Variants in GRB7 observed in about 807,000 individuals in gnomAD.
The protein encoded by GRB7 is growth factor receptor-bound protein 7.
In GRB7, 47 loss-of-function variants were observed where a neutral mutation model predicts 64.1. The observed-to-expected ratio is 0.73, with a 90% CI of 0.58 to 0.94. The LOEUF is 0.94. GRB7 is among the 40% of genes least tolerant of loss of function. The pLI is 0.00. For synonymous variants in GRB7, 277 were observed against 279.9 expected, an observed-to-expected ratio of 0.99 and a Z score of 0.10; for missense variants, 634 against 718.4, an observed-to-expected ratio of 0.88 and a Z score of 1.34.
Position 39,742,915 on chromosome 17 carries a change from T to A in GRB7, c.324T>A (p.Ser108Arg), listed in dbSNP as rs2060009163. The change falls in exon 4 of 15, where the codon AGT becomes AGA. Residue 108 changes from serine (S) to arginine (R), a missense_variant. Physicochemically the swap from Ser to Arg is moderately radical, Grantham distance 110. Coordinates refer to ENST00000309156, the MANE Select transcript of GRB7 (RefSeq NM_005310.5). ...GGGCGCAGGTAGTAAAGGTGTACAG[T>A]GAGGATGGGGCCTGCAGGTCTGTGG... ...ASRPHVVKVY[S>R]EDGACRSVEV... 1.2e-6 allele frequency: 2 copies of A among 1,603,154 alleles called. No homozygotes were observed. The highest frequency in any genetic ancestry group is 1.7e-6 in the Non-Finnish European group (2 of 1,174,026).
intron 1 of GRB7, 37 bp from the exon 2 acceptor site, chr17:39,742,215 G>A (rs987964306): frequency 3.3e-6 from 5 of 1,493,224 alleles, no homozygotes; most frequent in Non-Finnish European, 3.7e-6. Context: ...GCCGTGTGAG[G>A]TCAGGAGGTC....
At chr17:39,740,888 T>G (rs1263360400) in intron 1 of GRB7, among the ~76,000 whole-genome samples, 2 of 149,696 alleles carry the variant, frequency 1.3e-5, no homozygotes, top group African/African-American at 4.9e-5. Flanking sequence ...GCCTGCTCCC[T>G]CCTGAGGGGT....
Position 39,745,994 on chromosome 17 carries a change from T to C in GRB7, c.1352T>C (p.Val451Ala), listed in dbSNP as rs755811417. ...CGGCTTATTGGACAGCAGGGCTTGG[T>C]AGACGGGTAAGGGGCAGGGCCGGGC... The part of the protein sequence containing the change: ...SQRLIGQQGL[V>A]DGLFLVRESQ... Residue 451 changes from valine (V) to alanine (A), a missense_variant, in exon 13 of 15, where the codon GTA becomes GCA. Val to Ala is a moderately conservative substitution (Grantham distance 64). Coordinates refer to ENST00000309156, the MANE Select transcript of GRB7 (RefSeq NM_005310.5). The C allele has an allele frequency of 4.3e-6, 7 of 1,613,860 alleles. No homozygotes were observed. Among genetic ancestry groups the C allele is most frequent in the African/African-American group, 1.3e-5 (1 of 74,910 alleles).
At position 39,744,681 on chromosome 17, in the gene GRB7, C is replaced by A; in HGVS notation, c.912+18C>A. 6.4e-7 allele frequency: 1 copy of A among 1,570,054 alleles called. No individual in the cohort carries two copies. The highest frequency in any genetic ancestry group is 1.1e-5 in the South Asian group (1 of 87,010). On this transcript the variant is annotated intron_variant, in intron 8 of 14. Coordinates refer to ENST00000309156, the MANE Select transcript of GRB7 (RefSeq NM_005310.5). Reference sequence around the variant, plus strand: ...GTGTCAAGGTGAAGACCTGGCCAGGCCTGGCCCCTGGCCTGGGGAAGCAGG... The same window carrying A: ...GTGTCAAGGTGAAGACCTGGCCAGGACTGGCCCCTGGCCTGGGGAAGCAGG...
At position 39,744,886 on chromosome 17, in the gene GRB7, C is replaced by G. The variant is rs769995506; in HGVS notation, c.913C>G (p.Pro305Ala). 4 of 1,613,086 alleles carry G rather than the reference C, an allele frequency of 2.5e-6. No homozygotes were observed. Among genetic ancestry groups the G allele is most frequent in the Non-Finnish European group, 2.5e-6 (3 of 1,179,176 alleles). The change falls in exon 9 of 15, where the codon CCC becomes GCC. Residue 305 changes from proline to alanine, a missense_variant and splice_region_variant. Physicochemically the swap from Pro to Ala is conservative, Grantham distance 27. This residue lies in a region of GRB7 where 467 missense variants were observed against 576.6 expected (regional missense o/e 0.81). Transcript: ENST00000309156. ...ACCAGTCAATTTCCTCTCTCTGCAGCCCAACAAGCTTCGAAATGGCCACAA... is the reference window on the plus strand; with the variant it reads ...ACCAGTCAATTTCCTCTCTCTGCAGGCCAACAAGCTTCGAAATGGCCACAA... ...MPTDFGFCVKPNKLRNGHKGL... is the reference protein window; with the variant it reads ...MPTDFGFCVKANKLRNGHKGL...
intron 14 of GRB7, 129 bp downstream of exon 14, chr17:39,746,331 G>A (rs931346563): frequency 2.0e-5 from 15 of 757,482 alleles, no homozygotes; most frequent in African/African-American, 1.9e-4. Flanking sequence ...CACAAGAAGT[G>A]GGAGGCTGAG....
Position 39,742,616 on chromosome 17 carries a change from A to G in GRB7, c.206A>G (p.Asn69Ser). ...GCCACCTCCCTCCCCTCTATCCCCA[A>G]CCCCTTCCCTGAGCTCTGCAGTCCT... ...RRATSLPSIP[N>S]PFPELCSPPS... The change falls in exon 3 of 15, where the codon AAC (asparagine) becomes AGC (serine). Residue 69 changes from asparagine (N) to serine (S), a missense_variant. This residue lies in a region of GRB7 where 167 missense variants were observed against 141.9 expected (regional missense o/e 1.18). Coordinates refer to ENST00000309156, the MANE Select transcript of GRB7 (RefSeq NM_005310.5). 1 of 1,608,316 alleles carries G rather than the reference A, an allele frequency of 6.2e-7. No homozygotes were observed. The highest frequency in any genetic ancestry group is 8.5e-7 in the Non-Finnish European group (1 of 1,178,650).
In GRB7 at chr17:39,742,894, G is replaced by T. The variant is rs79559255; in HGVS notation, c.307-4G>T. ...TCAAGTCGTGTGCAATTCCTGGGGC[G>T]CAGGTAGTAAAGGTGTACAGTGAGG... is the stretch of plus-strand genomic sequence containing the variant. On this transcript the variant is annotated splice_region_variant and splice_polypyrimidine_tract_variant and intron_variant, in intron 3 of 14. Coordinates refer to ENST00000309156, the MANE Select transcript of GRB7 (RefSeq NM_005310.5). 20 of 1,573,394 alleles carry T rather than the reference G, an allele frequency of 1.3e-5. No homozygotes were observed. Among genetic ancestry groups the T allele is most frequent in the Non-Finnish European group, 1.5e-5 (17 of 1,156,934 alleles).
chr17:39,745,404 C>T lies in GRB7; in HGVS notation c.1093-18C>T. 6.8e-6 allele frequency: 11 copies of T among 1,612,840 alleles called. No homozygotes were observed. The highest frequency in any genetic ancestry group is 7.6e-6 in the Non-Finnish European group (9 of 1,178,900). On this transcript the variant is annotated intron_variant, in intron 10 of 14. Transcript: ENST00000309156. The stretch of plus-strand genomic sequence containing the variant: ...CCTGGGCCCTGTTCTGACCTCTCTC[C>T]TCTCCTTCCATCTCCAGAGAAGTGC...
rs573979966 is a variant in GRB7, at chr17:39,743,254, G to A, written c.538G>A (p.Val180Ile). ...AWPVGGDSRF[V>I]FRKNFAKYEL... ...GCCCGTGGGCGGAGATAGCCGCTTC[G>A]TCTTCCGGAAAAACTTCGCCAAGTA... Residue 180 changes from valine (V) to isoleucine (I), a missense_variant, in exon 5 of 15, where the codon GTC becomes ATC. Transcript: ENST00000309156. 34 of 1,614,174 alleles carry A rather than the reference G, an allele frequency of 2.1e-5. No homozygotes were observed. In the South Asian group the frequency reaches 2.2e-4, roughly 10 times the overall value.
chr17:39,738,780 C>A, intron 1 of GRB7: 1 of 817,726 alleles, frequency 1.2e-6, no homozygotes, highest in Non-Finnish European at 1.8e-6. Context: ...CTGCGGGCTG[C>A]GGGGAGATGT....
Position 39,743,735 on chromosome 17 carries a change from G to C in GRB7, c.663+265G>C. 7.3e-6 allele frequency: 4 copies of C among 546,500 alleles called. No individual in the cohort carries two copies. The Admixed American group carries it at 1.3e-4, about 18-fold the overall frequency. 33.9% of individuals were successfully genotyped at this position (546,500 alleles called of 1,614,324 possible). A position where few individuals can be genotyped will look rare whatever the true frequency, so the allele number is the denominator to read the frequency against. ...CATGCCTATAATCCCAGCACTTTGG[G>C]AGGCTGAGGCGGGAGGATTACTTAA... is the stretch of plus-strand genomic sequence containing the variant. On this transcript the variant is annotated intron_variant, in intron 6 of 14. Transcript: ENST00000309156.
At chr17:39,745,634 C>T in intron 11 of GRB7, 94 bp from the exon 12 acceptor site, 1 of 1,561,060 alleles carries the variant, frequency 6.4e-7, no homozygotes, top group Non-Finnish European at 8.8e-7. Context: ...CGGGGGGAGG[C>T]CCCTGGCTGG....
chr17:39,740,129 TG>T (rs1490640084), intron 1 of GRB7: 2 of 985,498 alleles, frequency 2.0e-6, no homozygotes, highest in African/African-American at 3.5e-5. Context: ...CGTGGCCCCC[TG>T]CAGCCTGGAA....
chr17:39,745,630 G>A, intron 11 of GRB7, 92 bp downstream of exon 11: 4 of 1,558,594 alleles, frequency 2.6e-6, no homozygotes, highest in Non-Finnish European at 8.8e-7. Flanking sequence ...AGGGCGGGGG[G>A]AGGCCCCTGG....
In GRB7 at chr17:39,744,147, A is replaced by G. The variant is rs746723270; in HGVS notation, c.741A>G (p.Lys247=). Residue 247 remains lysine (K), a synonymous_variant, in exon 7 of 15, where the codon AAA becomes AAG. Coordinates refer to ENST00000309156, the MANE Select transcript of GRB7 (RefSeq NM_005310.5). ...GGGGTTCAGGACGGAAGCTTTGGAA[A>G]CGCTTTTTCTGCTTCTTGCGCCGAT... ...QLRGSGRKLW[K]RFFCFLRRSG... is the part of the protein sequence containing the mutation. 6.2e-7 allele frequency: 1 copy of G among 1,613,850 alleles called. No individual in the cohort carries two copies. Among genetic ancestry groups the G allele is most frequent in the Non-Finnish European group, 8.5e-7 (1 of 1,179,996 alleles).
intron 11 of GRB7, 54 bp from the exon 12 acceptor site, chr17:39,745,674 G>A: frequency 6.3e-7 from 1 of 1,580,794 alleles, no homozygotes. Flanking sequence ...CTGAGGTGCT[G>A]GGTAATGCCC....
intron 1 of GRB7, among the ~76,000 whole-genome samples, chr17:39,741,791 GGGCGGATCAGGAGTTCAA>G (rs1555620536): frequency 6.6e-6 from 1 of 151,806 alleles, no homozygotes; most frequent in Non-Finnish European, 1.5e-5. Flanking sequence ...AGGCCAAGGC[GGGCGGATCAGGAGTTCAA>G]GACCAGCCTG....
intron 1 of GRB7, chr17:39,739,953 C>CT: frequency 1.0e-6 from 1 of 982,600 alleles, no homozygotes; most frequent in Non-Finnish European, 1.2e-6. Context: ...AAGGGCACGG[C>CT]TGGGGGGCTC....
Sources: allele counts gnomAD v4.1 joint callset (sites outside exome capture counted in the v4.1 genomes callset), GRCh38; gene constraint gnomAD v4.1.1; regional missense constraint gnomAD v4.1.1; transcripts MANE v1.5; gene names NCBI Gene and HGNC (gene_info 2026-07-23, HGNC 2026-07-21).